Variants in MCM9 observed in about 807,000 individuals in gnomAD.
MCM9 encodes DNA helicase MCM9.
In MCM9, 55 loss-of-function variants were observed where a neutral mutation model predicts 72.8. The observed-to-expected ratio is 0.76, with a 90% confidence interval of 0.61 to 0.95. The LOEUF (loss-of-function observed/expected upper bound fraction) is 0.95. MCM9 is among the 40% of genes least tolerant of loss of function. The pLI, the probability that MCM9 is intolerant of heterozygous loss-of-function variation, is 0.00. For synonymous variants in MCM9, 480 were observed against 503.4 expected (o/e 0.95, Z 0.62); for missense variants, 1,279 against 1,377.0 (o/e 0.93, Z 1.13).
At chr6:118,833,973 C>T (rs916620246) in intron 9 of MCM9, among the ~76,000 whole-genome samples, 1 of 152,116 alleles carries the variant, frequency 6.6e-6, no homozygotes, top group Non-Finnish European at 1.5e-5. Context: ...GTGTGCTGCA[C>T]CCATCAACCC....
chr6:118,815,222 C>G lies in MCM9; in HGVS notation c.3034G>C (p.Glu1012Gln), dbSNP rs201828357. The change falls in exon 14 of 14, where the codon GAG (glutamate) becomes CAG (glutamine). Residue 1012 changes from glutamate (E) to glutamine (Q), a missense_variant. Coordinates refer to ENST00000619706, the MANE Select transcript of MCM9 (RefSeq NM_017696.3). ...AATTCAGGCTGAATAATCCTCTTCT[C>G]AGGGGCACACATCACCTTCTCTCTT... ...GPREKVMCAP[E>Q]KRIIQPELEL... The G allele has an allele frequency of 1.4e-4, 218 of 1,550,670 alleles. No individual in the cohort carries two copies. The highest frequency in any genetic ancestry group is 1.8e-4 in the Non-Finnish European group (212 of 1,146,978).
chr6:118,831,476 A>G (rs1434357211), intron 9 of MCM9, among the ~76,000 whole-genome samples: 1 of 152,060 alleles, frequency 6.6e-6, no homozygotes, highest in African/African-American at 2.4e-5. Flanking sequence ...GGAAGAGGAG[A>G]TTATGAGAGA....
chr6:118,860,174 T>C (rs1280410910), intron 8 of MCM9, among the ~76,000 whole-genome samples: 1 of 151,546 alleles, frequency 6.6e-6, no homozygotes, highest in Non-Finnish European at 1.5e-5. Context: ...GGCGGGGACA[T>C]TGAAATAATC....
intron 9 of MCM9, among the ~76,000 whole-genome samples, chr6:118,844,021 T>A (rs1775691642): frequency 1.3e-5 from 2 of 151,640 alleles, no homozygotes; most frequent in Admixed American, 1.3e-4. Context: ...AGTGAAGGAT[T>A]CCTATTGTAG....
intron 9 of MCM9, among the ~76,000 whole-genome samples, chr6:118,834,188 C>T (rs1774788849): frequency 6.6e-6 from 1 of 152,130 alleles, no homozygotes; most frequent in Non-Finnish European, 1.5e-5. Context: ...GCAAAGGACA[C>T]GAATTCATCC....
Position 118,852,406 on chromosome 6 carries a change from C to CA in MCM9, c.1325+3964dup, listed in dbSNP as rs551904532. Among the ~76,000 whole-genome samples the CA allele has an allele frequency of 4.3e-3, 595 of 138,584 alleles. 3 individuals are homozygous for CA. Among genetic ancestry groups the CA allele is most frequent in the African/African-American group, 3.9e-3 (149 of 37,812 alleles). The allele number at this position is 138,584 out of a possible 152,430, so 90.9% of individuals were successfully genotyped here. On this transcript the variant is annotated intron_variant, in intron 9 of 13. Transcript: ENST00000619706. ...TTTATGTCTTCTCCTTTCCAACAGACAAAAAAAAAAAATCCAATCTAAAGA... is the reference window on the plus strand; with the variant it reads ...TTTATGTCTTCTCCTTTCCAACAGACAAAAAAAAAAAAATCCAATCTAAAGA...
intron 8 of MCM9, chr6:118,893,965 G>A (rs963444856): frequency 2.2e-6 from 2 of 910,744 alleles, no homozygotes; most frequent in African/African-American, 2.0e-5. Flanking sequence ...CGCCCCCTCC[G>A]CCCCTCTCCG....
At chr6:118,873,313 T>G (rs962027359) in intron 8 of MCM9, among the ~76,000 whole-genome samples, 1 of 151,624 alleles carries the variant, frequency 6.6e-6, no homozygotes, top group Non-Finnish European at 1.5e-5. Context: ...AAAGGAAGTC[T>G]ACACAGAAAG....
At chr6:118,895,059 G>A (rs1779280032) in intron 8 of MCM9, among the ~76,000 whole-genome samples, 1 of 152,190 alleles carries the variant, frequency 6.6e-6, no homozygotes, top group African/African-American at 2.4e-5. Flanking sequence ...ACTCTCGAGA[G>A]CTCACGGTGG....
At chr6:118,916,058 A>G (rs564217576) in intron 6 of MCM9, among the ~76,000 whole-genome samples, 1 of 152,144 alleles carries the variant, frequency 6.6e-6, no homozygotes. Context: ...ATAGAATCCT[A>G]AGAAACCATT....
chr6:118,826,617 T>C (rs1254449612), intron 12 of MCM9, among the ~76,000 whole-genome samples, 165 bp downstream of exon 12: 2 of 152,226 alleles, frequency 1.3e-5, no homozygotes, highest in Non-Finnish European at 2.9e-5. Flanking sequence ...TCCAGGACAC[T>C]GTTTCCTCTT....
chr6:118,889,308 A>G (rs1778799307), intron 8 of MCM9, among the ~76,000 whole-genome samples: 1 of 152,124 alleles, frequency 6.6e-6, no homozygotes, highest in African/African-American at 2.4e-5. Flanking sequence ...GAGGCCTCCA[A>G]TCTCACAAAG....
rs1480007338 is a variant in MCM9 at position 118,831,674 on chromosome 6, ATC to A, written c.1326-2426_1326-2425del. On this transcript the variant is annotated intron_variant, in intron 9 of 13. Transcript: ENST00000619706. ...AAACAAACACAAATACATACATACA[ATC>A]TAATCCTAAGTATACAGTGCGTAGT... 2.6e-5 allele frequency among the ~76,000 whole-genome samples: 4 copies of A among 152,170 alleles called. No homozygotes were observed. The East Asian group carries it at 7.7e-4, about 29-fold the overall frequency.
At chr6:118,903,031 T>C (rs1779909834) in intron 8 of MCM9, among the ~76,000 whole-genome samples, 3 of 152,236 alleles carry the variant, frequency 2.0e-5, no homozygotes, top group Admixed American at 6.5e-5. Flanking sequence ...GCCTGTAAGC[T>C]TCTCTACTTA....
At chr6:118,841,087 A>G (rs1028700904) in intron 9 of MCM9, among the ~76,000 whole-genome samples, 1 of 151,434 alleles carries the variant, frequency 6.6e-6, no homozygotes, top group Admixed American at 6.6e-5. Flanking sequence ...AGTTGACAAA[A>G]TACTTTTCAC....
intron 9 of MCM9, among the ~76,000 whole-genome samples, chr6:118,853,589 C>A (rs1315334878): frequency 6.6e-6 from 1 of 151,986 alleles, no homozygotes; most frequent in Non-Finnish European, 1.5e-5. Flanking sequence ...CATTTGAGCC[C>A]AAGAATTTGA....
At chr6:118,820,795 T>A (rs1773747871) in intron 13 of MCM9, among the ~76,000 whole-genome samples, 1 of 152,174 alleles carries the variant, frequency 6.6e-6, no homozygotes, top group African/African-American at 2.4e-5. Flanking sequence ...CTTTTATGAA[T>A]CTGGGTGCTC....
chr6:118,835,875 C>T (rs1018716102), intron 9 of MCM9, among the ~76,000 whole-genome samples: 2 of 152,144 alleles, frequency 1.3e-5, no homozygotes, highest in Non-Finnish European at 2.9e-5. Flanking sequence ...CCAGAACTTC[C>T]AATACTATGT....
chr6:118,931,386 G>A (rs773762280), intron 3 of MCM9, 34 bp downstream of exon 3: 1 of 1,545,062 alleles, frequency 6.5e-7, no homozygotes, highest in African/African-American at 1.4e-5. Context: ...CTTTCTAGAA[G>A]ATAGCATGGC....
Sources: allele counts gnomAD v4.1 joint callset (sites outside exome capture counted in the v4.1 genomes callset), GRCh38; gene constraint gnomAD v4.1.1; transcripts MANE v1.5; gene names NCBI Gene and HGNC (gene_info 2026-07-23, HGNC 2026-07-21).